Variants in TTK observed in about 807,000 individuals in gnomAD.
TTK encodes the protein dual specificity protein kinase TTK.
TTK carries 59 observed loss-of-function variants against 117.3 expected under a neutral mutation model. The observed-to-expected ratio is 0.50, with a 90% CI of 0.41 to 0.62. The LOEUF (loss-of-function observed/expected upper bound fraction) is 0.62, where lower values mean the gene tolerates loss of function less well. TTK is among the 20% of genes least tolerant of loss of function. The pLI is 0.00. For synonymous variants in TTK, 302 were observed against 325.0 expected (o/e 0.93, Z 0.76); for missense variants, 921 against 989.4 (o/e 0.93, Z 0.93).
chr6:80,026,276 C>G, intron 11 of TTK, 102 bp from the exon 12 acceptor site: 1 of 1,223,400 alleles, frequency 8.2e-7, no homozygotes, highest in African/African-American at 1.5e-5. Context: ...CTTTGTATAT[C>G]ATATGTTATT....
At chr6:80,012,736 T>C (rs1382785457) in intron 8 of TTK, among the ~76,000 whole-genome samples, 1 of 152,096 alleles carries the variant, frequency 6.6e-6, no homozygotes, top group Non-Finnish European at 1.5e-5. Flanking sequence ...AAAGAACATT[T>C]TGTTTGTCAA....
chr6:80,030,641 AC>A (rs1360257279), intron 13 of TTK, among the ~76,000 whole-genome samples: 1 of 152,056 alleles, frequency 6.6e-6, no homozygotes, highest in Non-Finnish European at 1.5e-5. Flanking sequence ...GATGCCACAT[AC>A]TTTTAAATGA....
intron 13 of TTK, among the ~76,000 whole-genome samples, chr6:80,028,225 A>G (rs1237631075): frequency 6.6e-6 from 1 of 152,166 alleles, no homozygotes; most frequent in Non-Finnish European, 1.5e-5. Flanking sequence ...CTTAATAACT[A>G]GGCCAAAGGA....
intron 11 of TTK, among the ~76,000 whole-genome samples, chr6:80,025,216 C>T (rs552318292): frequency 2.6e-5 from 4 of 152,270 alleles, no homozygotes; most frequent in African/African-American, 9.6e-5. Flanking sequence ...AATCTTATTA[C>T]AGCAGTTCCT....
At chr6:80,036,654 G>A (rs1767914801) in intron 17 of TTK, 55 bp downstream of exon 17, 1 of 1,528,170 alleles carries the variant, frequency 6.5e-7, no homozygotes, top group Admixed American at 2.1e-5. Context: ...TTTTACCTGT[G>A]AAGTATTATA....
In TTK at chr6:80,021,833, C is replaced by A. The variant is rs1767466152; in HGVS notation, c.1109-491C>A. Reference sequence around the variant, plus strand: ...AAAACTGGCCCCTGAAATTTCTAAGCAAGTACGTAATTAGATAAGTGAACA... The same window carrying A: ...AAAACTGGCCCCTGAAATTTCTAAGAAAGTACGTAATTAGATAAGTGAACA... On this transcript the variant is annotated intron_variant, in intron 10 of 21. Transcript: ENST00000369798. Among the ~76,000 whole-genome samples the A allele has an allele frequency of 1.3e-5, 2 of 151,960 alleles. 1 individual carries two copies. Among genetic ancestry groups the A allele is most frequent in the South Asian group, 4.2e-4 (2 of 4,814 alleles).
chr6:80,026,612 T>G, intron 12 of TTK, 98 bp downstream of exon 12: 1 of 1,502,170 alleles, frequency 6.7e-7, no homozygotes, highest in Non-Finnish European at 9.0e-7. Flanking sequence ...CCTGCTCTTT[T>G]ACTTTAAAGA....
chr6:80,041,979 G>A (rs1042896721), intron 21 of TTK, 140 bp from the exon 22 acceptor site: 6 of 469,402 alleles, frequency 1.3e-5, no homozygotes, highest in African/African-American at 9.9e-5. Flanking sequence ...ATCTCTAATA[G>A]TTTATAAAAT....
At chr6:80,014,662 C>T in intron 10 of TTK, 76 bp downstream of exon 10, 1 of 1,393,488 alleles carries the variant, frequency 7.2e-7, no homozygotes, top group South Asian at 1.6e-5. Context: ...GCAGACTAGC[C>T]ACCTAAGAAT....
intron 13 of TTK, among the ~76,000 whole-genome samples, chr6:80,030,502 C>T (rs1309006061): frequency 6.6e-6 from 1 of 152,132 alleles, no homozygotes; most frequent in Non-Finnish European, 1.5e-5. Flanking sequence ...ACAGGCTGTA[C>T]AGTAGGCATG....
intron 14 of TTK, among the ~76,000 whole-genome samples, chr6:80,032,305 C>T (rs1276916739): frequency 2.0e-5 from 3 of 151,728 alleles, no homozygotes; most frequent in Non-Finnish European, 4.4e-5. Flanking sequence ...GTGTTTTTCT[C>T]TTCTCAAACT....
At chr6:80,012,353 G>C (rs1183676210) in intron 8 of TTK, among the ~76,000 whole-genome samples, 2 of 152,028 alleles carry the variant, frequency 1.3e-5, no homozygotes, top group Non-Finnish European at 1.5e-5. Context: ...ATTTGCTCCA[G>C]ATAGTTCAAG....
chr6:80,007,871 T>C lies in TTK; in HGVS notation c.202T>C (p.Leu68=). ...MANNPEDWLS[L]LLKLEKNSVP... ...AAACAACCCAGAGGACTGGTTGAGTTTGTTGCTCAAACTAGAGAAAAACAG... is the reference window on the plus strand; with the variant it reads ...AAACAACCCAGAGGACTGGTTGAGTCTGTTGCTCAAACTAGAGAAAAACAG... Residue 68 remains leucine (L), a synonymous_variant, in exon 3 of 22, where the codon TTG becomes CTG. Transcript: ENST00000369798. The C allele has an allele frequency of 6.2e-7, 1 of 1,613,460 alleles. No individual in the cohort carries two copies. Among genetic ancestry groups the C allele is most frequent in the South Asian group, 1.1e-5 (1 of 91,046 alleles).
rs1260017521 is a variant in TTK at position 80,011,761 on chromosome 6, G to A, written c.761G>A (p.Gly254Asp). 3 of 1,612,634 alleles carry A rather than the reference G, an allele frequency of 1.9e-6. No individual in the cohort carries two copies. The African/African-American group carries it at 4.0e-5, about 22-fold the overall frequency. ...ENMPPQDAEI[G>D]YRNSLRQTNK... Reference sequence around the variant, plus strand: ...ATGCCACCACAAGATGCAGAAATAGGTTACCGGAATTCATTGAGACAAACT... The same window carrying A: ...ATGCCACCACAAGATGCAGAAATAGATTACCGGAATTCATTGAGACAAACT... The change falls in exon 7 of 22, where the codon GGT becomes GAT. Residue 254 changes from glycine to aspartate, a missense_variant. Coordinates refer to ENST00000369798, the MANE Select transcript of TTK (RefSeq NM_003318.5).
At chr6:80,035,806 GT>G (rs1400073253) in intron 16 of TTK, among the ~76,000 whole-genome samples, 2 of 151,854 alleles carry the variant, frequency 1.3e-5, no homozygotes, top group Non-Finnish European at 2.9e-5. Context: ...TGAGAAGTTG[GT>G]TTTTTTGTTT....
At chr6:80,009,052 A>AT (rs1468791540) in intron 4 of TTK, among the ~76,000 whole-genome samples, 1 of 150,898 alleles carries the variant, frequency 6.6e-6, no homozygotes, top group Non-Finnish European at 1.5e-5. Flanking sequence ...CATAGTCTGG[A>AT]TTTTTTTGGG....
chr6:80,035,365 C>T lies in TTK; in HGVS notation c.1872C>T (p.Arg624=). 1 of 1,611,598 alleles carries T rather than the reference C, an allele frequency of 6.2e-7. No homozygotes were observed. Among genetic ancestry groups the T allele is most frequent in the Non-Finnish European group, 8.5e-7 (1 of 1,179,004 alleles). The change falls in exon 16 of 22, where the codon CGC becomes CGT. Residue 624 remains arginine (R), a synonymous_variant. Transcript: ENST00000369798. The part of the protein sequence containing the change: ...KKKKSIDPWE[R]KSYWKNMLEA... ...AAAAATCCATTGATCCATGGGAACG[C>T]AAGAGTTACTGGAAAAATATGTTAG...
intron 12 of TTK, among the ~76,000 whole-genome samples, chr6:80,027,005 G>A (rs568157862): frequency 2.0e-5 from 3 of 152,252 alleles, no homozygotes; most frequent in Middle Eastern, 3.4e-3. Flanking sequence ...TGATGGATAA[G>A]TGAAGAAGTT....
At chr6:80,032,980 C>T (rs1192001615) in intron 14 of TTK, among the ~76,000 whole-genome samples, 2 of 152,134 alleles carry the variant, frequency 1.3e-5, no homozygotes, top group Admixed American at 1.3e-4. Context: ...GTAATGAGAA[C>T]ATTAGCAATT....
Sources: gnomAD v4.1 joint callset for allele counts (sites outside exome capture counted in the v4.1 genomes callset) on GRCh38, gnomAD v4.1.1 for gene constraint, MANE v1.5 for transcripts, NCBI Gene and HGNC (gene_info 2026-07-23, HGNC 2026-07-21) for gene names.